The following MATCAP2 variants were observed in gnomAD, a reference collection of about 807,000 sequenced individuals.
MATCAP2 encodes putative tyrosine carboxypeptidase MATCAP2.
At chr7:36,335,128 T>G in the MATCAP2 span, 11 of 1,613,850 alleles carry the variant, frequency 6.8e-6, no homozygotes, top group South Asian at 3.3e-5. Context: ...ATCCATTTAC[T>G]ACTGTCATTG....
chr7:36,324,210 C>T, the MATCAP2 span: 1 of 152,182 alleles, frequency 6.6e-6, no homozygotes, highest in Non-Finnish European at 1.5e-5. Flanking sequence ...CATACATAGC[C>T]ACACACTTCA....
the MATCAP2 span, chr7:36,356,664 T>C: frequency 3.4e-6 from 2 of 584,634 alleles, no homozygotes; most frequent in Non-Finnish European, 6.1e-6. Flanking sequence ...GTCTTCCTAA[T>C]ATAATTGCTT....
chr7:36,361,462 A>G, the MATCAP2 span, among the ~76,000 whole-genome samples: 1 of 152,232 alleles, frequency 6.6e-6, no homozygotes, highest in Non-Finnish European at 1.5e-5. Flanking sequence ...AATACTTACG[A>G]AACCTGAGAA....
At chr7:36,331,097 G>GTGTT in the MATCAP2 span, 1 of 1,502,844 alleles carries the variant, frequency 6.7e-7, no homozygotes. Context: ...AACCAGAATA[G>GTGTT]TGTTTACTTT....
chr7:36,345,640 T>C, the MATCAP2 span, among the ~76,000 whole-genome samples: 1 of 152,202 alleles, frequency 6.6e-6, no homozygotes, highest in Non-Finnish European at 1.5e-5. Context: ...CTGGGACAAT[T>C]GGATATCCAC....
At chr7:36,389,488 C>G in the MATCAP2 span, among the ~76,000 whole-genome samples, 3 of 152,168 alleles carry the variant, frequency 2.0e-5, no homozygotes, top group Non-Finnish European at 4.4e-5. Context: ...TCAGCCTCCC[C>G]AAATGCTGGG....
At chr7:36,375,585 G>A in the MATCAP2 span, among the ~76,000 whole-genome samples, 1 of 152,274 alleles carries the variant, frequency 6.6e-6, no homozygotes, top group Admixed American at 6.5e-5. Flanking sequence ...TTTGGTATCA[G>A]GATGATGCTG....
chr7:36,343,122 C>T, the MATCAP2 span, among the ~76,000 whole-genome samples: 4 of 151,696 alleles, frequency 2.6e-5, no homozygotes, highest in African/African-American at 9.7e-5. Flanking sequence ...CAACCTAATA[C>T]ATTCTGCAGG....
At chr7:36,345,721 C>T in the MATCAP2 span, among the ~76,000 whole-genome samples, 606 of 152,212 alleles carry the variant, frequency 4.0e-3, 5 homozygotes, top group Non-Finnish European at 6.2e-3. Context: ...GATCCAAGAC[C>T]TTAACCTCTT....
the MATCAP2 span, chr7:36,326,823 T>C: frequency 6.2e-7 from 1 of 1,614,022 alleles, no homozygotes; most frequent in East Asian, 2.2e-5. Context: ...TCTCTAAGTG[T>C]TCCATATATC....
the MATCAP2 span, among the ~76,000 whole-genome samples, chr7:36,350,351 G>T: frequency 2.0e-5 from 3 of 151,796 alleles, no homozygotes; most frequent in Non-Finnish European, 2.9e-5. Flanking sequence ...CACTATAAAC[G>T]CTAAAATCAA....
At chr7:36,338,957 T>C in the MATCAP2 span, among the ~76,000 whole-genome samples, 1 of 152,228 alleles carries the variant, frequency 6.6e-6, no homozygotes, top group Non-Finnish European at 1.5e-5. Flanking sequence ...TGAGTTGTCC[T>C]ATCTTTTTAG....
At chr7:36,324,367 T>A in the MATCAP2 span, 1 of 152,334 alleles carries the variant, frequency 6.6e-6, no homozygotes, top group East Asian at 1.9e-4. Context: ...TTGCAAACAT[T>A]AATTTCCTTT....
chr7:36,350,849 A>G, the MATCAP2 span, among the ~76,000 whole-genome samples: 1 of 152,212 alleles, frequency 6.6e-6, no homozygotes, highest in Non-Finnish European at 1.5e-5. Flanking sequence ...TTCATATAAA[A>G]TTCAGGTTTC....
chr7:36,368,745 A>T, the MATCAP2 span, among the ~76,000 whole-genome samples: 9 of 152,214 alleles, frequency 5.9e-5, no homozygotes, highest in African/African-American at 1.9e-4. Flanking sequence ...CTCATCCCCA[A>T]CTACTTCCTC....
At chr7:36,357,652 T>A in the MATCAP2 span, 1 of 1,236,252 alleles carries the variant, frequency 8.1e-7, no homozygotes, top group Non-Finnish European at 1.1e-6. Context: ...AAGCAAACTG[T>A]TTATTAGGAA....
At chr7:36,340,461 T>A in the MATCAP2 span, among the ~76,000 whole-genome samples, 37 of 152,366 alleles carry the variant, frequency 2.4e-4, 1 homozygote, top group South Asian at 7.2e-3. Flanking sequence ...TCACCTCCTT[T>A]GTTTCATCTT....
At chr7:36,333,793 A>G in the MATCAP2 span, 2 of 1,352,220 alleles carry the variant, frequency 1.5e-6, no homozygotes, top group Non-Finnish European at 2.0e-6. Context: ...GGATTAGGAT[A>G]TAAACAAAAT....
chr7:36,364,556 A>G, the MATCAP2 span, among the ~76,000 whole-genome samples: 1 of 152,246 alleles, frequency 6.6e-6, no homozygotes, highest in Admixed American at 6.5e-5. Context: ...GAAATATAAA[A>G]TGAGTCTGTT....
Sources: gnomAD v4.1 joint callset for allele counts (sites outside exome capture counted in the v4.1 genomes callset) on GRCh38, gnomAD v4.1.1 for gene constraint, MANE v1.5 for transcripts, NCBI Gene and HGNC (gene_info 2026-07-23, HGNC 2026-07-21) for gene names.